Variants in KATNAL2 observed in about 807,000 individuals in gnomAD.
KATNAL2 encodes katanin catalytic subunit A1 like 2.
In KATNAL2, 52 loss-of-function variants were observed where a neutral mutation model predicts 76.3. The observed-to-expected ratio is 0.68, with a 90% confidence interval of 0.55 to 0.86. The LOEUF (loss-of-function observed/expected upper bound fraction) is 0.86, where lower values mean the gene tolerates loss of function less well. Ranked by LOEUF, KATNAL2 falls within the 40% of genes least tolerant of loss-of-function variation. KATNAL2 has a pLI of 0.00. For missense variants in KATNAL2, 660 were observed against 668.9 expected, an observed-to-expected ratio of 0.99 and a Z score of 0.15; for synonymous variants, 243 against 244.2, an observed-to-expected ratio of 1.00 and a Z score of 0.05.
chr18:46,950,255 C>T (rs913366212), intron 3 of KATNAL2, among the ~76,000 whole-genome samples: 1 of 152,142 alleles, frequency 6.6e-6, no homozygotes, highest in African/African-American at 2.4e-5. Context: ...CCCTAGATGG[C>T]GCTAAGAGCA....
chr18:46,923,570 A>C (rs2058638769), intron 1 of KATNAL2, among the ~76,000 whole-genome samples: 1 of 152,112 alleles, frequency 6.6e-6, no homozygotes, highest in South Asian at 2.1e-4. Context: ...CATGATTTAT[A>C]ATCCTTTGGG....
chr18:47,037,725 C>A (rs559605184), intron 3 of KATNAL2, among the ~76,000 whole-genome samples: 11 of 152,246 alleles, frequency 7.2e-5, no homozygotes, highest in African/African-American at 2.6e-4. Flanking sequence ...CTCTCTTTTC[C>A]TGCTTTACTC....
chr18:46,939,983 T>A (rs2059201377), intron 1 of KATNAL2, among the ~76,000 whole-genome samples: 1 of 152,236 alleles, frequency 6.6e-6, no homozygotes, highest in Admixed American at 6.5e-5. Flanking sequence ...AAGCAAACAA[T>A]CTCTAAATCA....
chr18:47,058,388 A>C, intron 7 of KATNAL2, 36 bp downstream of exon 7: 1 of 1,214,984 alleles, frequency 8.2e-7, no homozygotes, highest in South Asian at 1.3e-5. Context: ...TGAACAGCAC[A>C]CTTGGCTGAA....
intron 4 of KATNAL2, 26 bp from the exon 5 acceptor site, chr18:47,052,854 T>G: frequency 6.5e-7 from 1 of 1,547,770 alleles, no homozygotes; most frequent in Non-Finnish European, 8.7e-7. Flanking sequence ...AGTTAATTTC[T>G]TCTTTTTATT....
chr18:47,077,415 C>A lies in KATNAL2; in HGVS notation c.1165C>A (p.Arg389Ser). 1.2e-6 allele frequency: 2 copies of A among 1,614,014 alleles called. No homozygotes were observed. Among genetic ancestry groups the A allele is most frequent in the Non-Finnish European group, 1.7e-6 (2 of 1,179,906 alleles). The change falls in exon 15 of 18, where the codon CGC becomes AGC. Residue 389 changes from arginine to serine, a missense_variant. Arg to Ser is a moderately radical substitution (Grantham distance 110). Transcript: ENST00000683218. ...ELLVQMDGLA[R>S]SEDLVFVLAA... is the part of the protein sequence containing the mutation. ...ACTGGTGCAGATGGATGGGCTGGCA[C>A]GCTCAGAAGATCTCGTATTTGTCTT...
intron 1 of KATNAL2, among the ~76,000 whole-genome samples, chr18:46,928,491 C>T (rs977208399): frequency 2.6e-5 from 4 of 152,078 alleles, no homozygotes; most frequent in Admixed American, 2.0e-4. Flanking sequence ...TCAGTCTGCC[C>T]CTACTGGGGG....
At chr18:46,919,153 C>G (rs900819746) in intron 1 of KATNAL2, among the ~76,000 whole-genome samples, 5 of 151,270 alleles carry the variant, frequency 3.3e-5, no homozygotes, top group Non-Finnish European at 7.4e-5. Flanking sequence ...GAGTTGCAGA[C>G]CAGCCAGGCC....
intron 15 of KATNAL2, among the ~76,000 whole-genome samples, chr18:47,093,401 CT>C (rs557793941): frequency 0.018 from 2,241 of 127,690 alleles, 11 homozygotes; most frequent in African/African-American, 0.025. Flanking sequence ...TTTCTCTGTC[CT>C]TTTTTTTTTT....
chr18:47,077,310 G>A (rs769959303), intron 14 of KATNAL2, 41 bp from the exon 15 acceptor site: 2 of 1,463,946 alleles, frequency 1.4e-6, no homozygotes, highest in East Asian at 2.3e-5. Flanking sequence ...TGAGGGCGAA[G>A]GCTCTGACAC....
chr18:47,063,033 T>C lies in KATNAL2; in HGVS notation c.611T>C (p.Leu204Pro). ...TDAIKGATSE[L>P]ALNTFDHNPD... ...GCCATCAAGGGAGCAACCAGTGAAC[T>C]TGCCTTGAACACCTTCGACCATAAT... Residue 204 changes from leucine to proline, a missense_variant, in exon 9 of 18, where the codon CTT becomes CCT. Transcript: ENST00000683218. 1.2e-6 allele frequency: 2 copies of C among 1,614,138 alleles called. No homozygotes were observed. Among genetic ancestry groups the C allele is most frequent in the Non-Finnish European group, 1.7e-6 (2 of 1,180,010 alleles).
Position 46,935,265 on chromosome 18 carries a change from C to G in KATNAL2, c.-509-10792C>G, listed in dbSNP as rs78868320. ...AGATAATTACTAACCAGAACACATG[C>G]TAGAAGACTACTTAGGGCCGCAACA... On this transcript the variant is annotated intron_variant, in intron 1 of 17. Transcript: ENST00000683218. Among the ~76,000 whole-genome samples the G allele has an allele frequency of 3.2e-4, 48 of 152,266 alleles. No individual in the cohort carries two copies. In the East Asian group the frequency reaches 8.3e-3, roughly 26 times the overall value.
chr18:47,047,697 G>A (rs2061203778), intron 4 of KATNAL2, among the ~76,000 whole-genome samples: 1 of 152,036 alleles, frequency 6.6e-6, no homozygotes, highest in Admixed American at 6.5e-5. Context: ...AAACATGTAG[G>A]TTTCAGACTA....
At chr18:47,088,358 G>T (rs1427133369) in intron 15 of KATNAL2, among the ~76,000 whole-genome samples, 1 of 152,080 alleles carries the variant, frequency 6.6e-6, no homozygotes, top group East Asian at 1.9e-4. Context: ...TTTATTTCTT[G>T]TATTATATCC....
chr18:46,926,566 T>A (rs2058735398), intron 1 of KATNAL2, among the ~76,000 whole-genome samples: 1 of 152,184 alleles, frequency 6.6e-6, no homozygotes, highest in Admixed American at 6.6e-5. Context: ...ATTCTGTTGA[T>A]TTGAGGTGGA....
chr18:47,062,359 G>A (rs1372033919), intron 8 of KATNAL2, among the ~76,000 whole-genome samples: 2 of 151,120 alleles, frequency 1.3e-5, no homozygotes, highest in African/African-American at 4.9e-5. Flanking sequence ...ATAACAGAGT[G>A]AGATCCTGCC....
intron 3 of KATNAL2, chr18:47,032,725 G>C: frequency 1.8e-6 from 1 of 557,504 alleles, no homozygotes; most frequent in South Asian, 2.3e-5. Flanking sequence ...ATTACAACTA[G>C]GGTGTTTTTA....
At chr18:47,034,616 C>T (rs921354654) in intron 3 of KATNAL2, 1 of 1,614,018 alleles carries the variant, frequency 6.2e-7, no homozygotes, top group Non-Finnish European at 8.5e-7. Context: ...ACGGCTTTCC[C>T]CTGGGGTTGG....
intron 3 of KATNAL2, among the ~76,000 whole-genome samples, chr18:46,957,496 T>C (rs2059795305): frequency 6.6e-6 from 1 of 150,870 alleles, no homozygotes; most frequent in Admixed American, 6.6e-5. Context: ...ACTCGTGATC[T>C]GCCCGCCTTG....
Sources: allele counts gnomAD v4.1 joint callset (sites outside exome capture counted in the v4.1 genomes callset), GRCh38; gene constraint gnomAD v4.1.1; transcripts MANE v1.5; gene names NCBI Gene and HGNC (gene_info 2026-07-23, HGNC 2026-07-21).